Variants in TASOR2 observed in about 807,000 individuals in gnomAD.
TASOR2 encodes the protein protein TASOR 2.
In TASOR2, 84 loss-of-function variants were observed where a neutral mutation model predicts 199.5. The ratio of observed to expected loss-of-function variants is 0.42; its 90% CI spans 0.35 to 0.50. The LOEUF (loss-of-function observed/expected upper bound fraction) is 0.50. TASOR2 is among the 20% of genes least tolerant of loss of function. The pLI, the probability that TASOR2 is intolerant of heterozygous loss-of-function variation, is 0.02. For synonymous variants in TASOR2, 1,103 were observed against 1,046.6 expected, an observed-to-expected ratio of 1.05 and a Z score of -1.04; for missense variants, 2,796 against 2,835.9, an observed-to-expected ratio of 0.99 and a Z score of 0.32.
At chr10:5,715,533 T>C (rs1832514192) in intron 2 of TASOR2, among the ~76,000 whole-genome samples, 1 of 152,328 alleles carries the variant, frequency 6.6e-6, no homozygotes, top group African/African-American at 2.4e-5. Flanking sequence ...TTAAGGCATA[T>C]TGTAGCATGA....
At chr10:5,753,356 T>TTG (rs1435898299) in intron 15 of TASOR2, among the ~76,000 whole-genome samples, 6 of 151,200 alleles carry the variant, frequency 4.0e-5, no homozygotes, top group Non-Finnish European at 8.8e-5. Flanking sequence ...TTGCCAAGGT[T>TTG]TGTTTGTTTG....
At chr10:5,704,723 G>A (rs10737012) in intron 1 of TASOR2, among the ~76,000 whole-genome samples, 100,884 of 151,968 alleles carry the variant, frequency 0.66, 33,753 homozygotes, top group African/African-American at 0.75. Flanking sequence ...TTCTTTTGTA[G>A]TGTATACATT....
chr10:5,719,076 T>C lies in TASOR2; in HGVS notation c.-100+1326T>C, dbSNP rs779428198. On this transcript the variant is annotated intron_variant, in intron 3 of 20. Transcript: ENST00000328090. This position sits in a 1 kb window ranked among gnomAD's most constrained non-coding sequence, Gnocchi z 4.1. ...TGATTGGTTACTGATAAGTACTATT[T>C]ACATTTTTTGGCTTGGTGGTTTGGC... Among the ~76,000 whole-genome samples the C allele has an allele frequency of 5.3e-5, 8 of 152,152 alleles. No individual in the cohort carries two copies. The highest frequency in any genetic ancestry group is 1.0e-4 in the Non-Finnish European group (7 of 68,028).
intron 18 of TASOR2, 38 bp downstream of exon 19, chr10:5,759,030 C>T (rs377458348): frequency 6.8e-7 from 1 of 1,472,040 alleles, no homozygotes; most frequent in Non-Finnish European, 9.5e-7. Context: ...TCCTGCCCTG[C>T]TGGGGTAGCA....
Position 5,710,573 on chromosome 10 carries a change from A to T in TASOR2, c.-287-2250A>T, listed in dbSNP as rs1033888766. ...CCATGTATTTGGGAAACCCTGTATT[A>T]GTGTTTTTAATTGCACCATCTCTTC... On this transcript the variant is annotated intron_variant, in intron 1 of 20. Coordinates refer to ENST00000328090, the Ensembl canonical transcript of TASOR2. This position sits in a 1 kb window ranked among gnomAD's most constrained non-coding sequence, Gnocchi z 4.6. Among the ~76,000 whole-genome samples the T allele has an allele frequency of 2.6e-5, 4 of 152,096 alleles. No homozygotes were observed. The highest frequency in any genetic ancestry group is 7.2e-5 in the African/African-American group (3 of 41,438).
chr10:5,736,806 T>G (rs984961872), intron 12 of TASOR2, among the ~76,000 whole-genome samples: 1 of 152,062 alleles, frequency 6.6e-6, no homozygotes, highest in African/African-American at 2.4e-5. Context: ...GTGTGTGTAT[T>G]TTTTTTGTTT....
At position 5,721,302 on chromosome 10, in the gene TASOR2, G is replaced by T. The variant is rs77643801; in HGVS notation, c.146+332G>T. ...CGTATTATTTTTATTAACATTTGCAGTATCTGATTTTCAAATTTTAACATG... is the reference window on the plus strand; with the variant it reads ...CGTATTATTTTTATTAACATTTGCATTATCTGATTTTCAAATTTTAACATG... On this transcript the variant is annotated intron_variant, in intron 6 of 20. Coordinates refer to ENST00000328090, the Ensembl canonical transcript of TASOR2. Among the ~76,000 whole-genome samples the T allele has an allele frequency of 1.2e-3, 185 of 152,262 alleles. 2 individuals carry two copies. The East Asian group carries it at 0.026, about 22-fold the overall frequency.
chr10:5,690,482 AC>A lies in TASOR2; in HGVS notation c.-288+5310del, dbSNP rs1196956696. On this transcript the variant is annotated intron_variant, in intron 1 of 20. Transcript: ENST00000328090. This position sits in a 1 kb window ranked among gnomAD's most constrained non-coding sequence, Gnocchi z 4.8. Reference sequence around the variant, plus strand: ...TTTGTCCAGTTGGGGCACCTACTTTACCCTTGTGCATATCCCCTATTTATCT... The same window carrying A: ...TTTGTCCAGTTGGGGCACCTACTTTACCTTGTGCATATCCCCTATTTATCT... 2.6e-5 allele frequency among the ~76,000 whole-genome samples: 4 copies of A among 152,288 alleles called. No homozygotes were observed. In the East Asian group the frequency reaches 7.7e-4, roughly 29 times the overall value.
chr10:5,725,320 G>T lies in TASOR2; in HGVS notation c.351+787G>T, dbSNP rs567657039. Among the ~76,000 whole-genome samples the T allele has an allele frequency of 1.7e-4, 24 of 141,270 alleles. 1 individual carries two copies. In the East Asian group the frequency reaches 5.2e-3, roughly 31 times the overall value. The allele number at this position is 141,270 out of a possible 152,430, so 92.7% of individuals were successfully genotyped here. A position where few individuals can be genotyped will look rare whatever the true frequency, so the allele number is the denominator to read the frequency against. ...GCAGGAGAATGGCATGAACCCAGGA[G>T]GCGGAGCTTGCAGTGAGCCTAGATC... On this transcript the variant is annotated intron_variant, in intron 8 of 20. Coordinates refer to ENST00000328090, the Ensembl canonical transcript of TASOR2.
chr10:5,742,325 G>A lies in TASOR2; in HGVS notation c.2556G>A (p.Leu852=), dbSNP rs762025721. The change falls in exon 14 of 21, where the codon CTG becomes CTA. Residue 852 remains leucine, a synonymous_variant. Transcript: ENST00000328090. This position sits in a 1 kb window ranked among gnomAD's most constrained non-coding sequence, Gnocchi z 4.2. ...TGGAAAAATGTTCTGCAGACTCTCT[G>A]TTGGAGACTAACGAAATTTCCAGGG... The A allele has an allele frequency of 3.1e-6, 5 of 1,614,182 alleles. No homozygotes were observed. Among genetic ancestry groups the A allele is most frequent in the Non-Finnish European group, 4.2e-6 (5 of 1,180,040 alleles).
In TASOR2 at chr10:5,723,668, G is replaced by T; in HGVS notation, c.147-9G>T. 6.5e-7 allele frequency: 1 copy of T among 1,545,874 alleles called. No individual in the cohort carries two copies. Among genetic ancestry groups the T allele is most frequent in the Non-Finnish European group, 8.8e-7 (1 of 1,136,976 alleles). ...TTATTCTGCTTGATACTGTTGTGTT[G>T]TTTTTCAGACCGCAGGAACTAGATT... On this transcript the variant is annotated splice_polypyrimidine_tract_variant and intron_variant, in intron 6 of 20. Transcript: ENST00000328090.
At chr10:5,697,254 CT>C (rs1275233344) in intron 1 of TASOR2, among the ~76,000 whole-genome samples, 1 of 151,314 alleles carries the variant, frequency 6.6e-6, no homozygotes, top group East Asian at 1.9e-4. Context: ...GGTGCTAGCT[CT>C]TAAACTGCAT....
At chr10:5,709,503 A>G (rs1831641753) in intron 1 of TASOR2, 1 of 1,221,052 alleles carries the variant, frequency 8.2e-7, no homozygotes, top group Non-Finnish European at 1.0e-6. Context: ...TGTTCACTTT[A>G]TGATTTTTTT....
In TASOR2 at chr10:5,748,467, A is replaced by T; in HGVS notation, c.5046A>T (p.Ala1682=). Residue 1682 remains alanine, a synonymous_variant, in exon 15 of 21, where the codon GCA becomes GCT. Transcript: ENST00000328090. This position sits in a 1 kb window ranked among gnomAD's most constrained non-coding sequence, Gnocchi z 5.1. ...TAAATGCAGAGCCAGTGTTTCAAGC[A>T]CAGGAAATACCAGCAGGCAGAATGG... 2 of 1,614,198 alleles carry T rather than the reference A, an allele frequency of 1.2e-6. No homozygotes were observed. Among genetic ancestry groups the T allele is most frequent in the Non-Finnish European group, 1.7e-6 (2 of 1,180,044 alleles).
chr10:5,742,470 G>A lies in TASOR2; in HGVS notation c.2701G>A (p.Glu901Lys). The A allele has an allele frequency of 6.2e-7, 1 of 1,614,000 alleles. No individual in the cohort carries two copies. Among genetic ancestry groups the A allele is most frequent in the Non-Finnish European group, 8.5e-7 (1 of 1,180,006 alleles). The change falls in exon 14 of 21, where the codon GAG (glutamate) becomes AAG (lysine). Residue 901 changes from glutamate (E) to lysine (K), a missense_variant. Glu to Lys is a moderately conservative substitution (Grantham distance 56). This residue lies in a region of TASOR2 where 1,941 missense variants were observed against 1,924.9 expected (regional missense o/e 1.01). Coordinates refer to ENST00000328090, the Ensembl canonical transcript of TASOR2. This position sits in a 1 kb window ranked among gnomAD's most constrained non-coding sequence, Gnocchi z 4.2. ...TGAACAGAAAAAAACTTTTGCAAGAGAGTGTGATCCAGACACCCAAGAAGA... is the reference window on the plus strand; with the variant it reads ...TGAACAGAAAAAAACTTTTGCAAGAAAGTGTGATCCAGACACCCAAGAAGA...
At chr10:5,724,703 T>G (rs1833829222) in intron 8 of TASOR2, among the ~76,000 whole-genome samples, 170 bp downstream of exon 9, 1 of 149,404 alleles carries the variant, frequency 6.7e-6, no homozygotes, top group African/African-American at 2.4e-5. Context: ...ATATTAGTTG[T>G]GCTGAAAGGA....
chr10:5,706,107 CA>C lies in TASOR2; in HGVS notation c.-287-6715del, dbSNP rs1838560787. On this transcript the variant is annotated intron_variant, in intron 1 of 20. Transcript: ENST00000328090. This position sits in a 1 kb window ranked among gnomAD's most constrained non-coding sequence, Gnocchi z 4.8. ...TTCCTCCGTTTTAGTTGTTCTGTAGCAGCATTTATTGCAAAGATATTCTTTC... is the reference window on the plus strand; with the variant it reads ...TTCCTCCGTTTTAGTTGTTCTGTAGCGCATTTATTGCAAAGATATTCTTTC... 6.6e-6 allele frequency among the ~76,000 whole-genome samples: 1 copy of C among 152,064 alleles called. No individual in the cohort carries two copies. Among genetic ancestry groups the C allele is most frequent in the Non-Finnish European group, 1.5e-5 (1 of 67,996 alleles).
At chr10:5,688,119 C>A (rs1375398243) in intron 1 of TASOR2, among the ~76,000 whole-genome samples, 1 of 152,122 alleles carries the variant, frequency 6.6e-6, no homozygotes, top group Non-Finnish European at 1.5e-5. Flanking sequence ...GAAAATCCAG[C>A]GTCATTCAGC....
At chr10:5,688,073 G>A (rs1835990012) in intron 1 of TASOR2, among the ~76,000 whole-genome samples, 1 of 152,070 alleles carries the variant, frequency 6.6e-6, no homozygotes, top group Non-Finnish European at 1.5e-5. Context: ...TGTATTCATT[G>A]TGTTGCCATG....
Sources: gnomAD v4.1 joint callset for allele counts (sites outside exome capture counted in the v4.1 genomes callset) on GRCh38, gnomAD v4.1.1 for gene constraint, gnomAD v4.1.1 regional missense constraint, Gnocchi (gnomAD v3.1) non-coding constraint, MANE v1.5 for transcripts, NCBI Gene and HGNC (gene_info 2026-07-23, HGNC 2026-07-21) for gene names.